The following KIF3C variants were observed in gnomAD, a reference collection of about 807,000 sequenced individuals.
KIF3C encodes the protein kinesin-like protein KIF3C.
KIF3C carries 12 observed loss-of-function variants against 67.7 expected under a neutral mutation model. The ratio of observed to expected loss-of-function variants is 0.18; its 90% CI spans 0.11 to 0.29. The LOEUF is 0.29. KIF3C is among the 10% of genes least tolerant of loss of function. The pLI is 1.00. For missense variants in KIF3C, 789 were observed against 1,059.6 expected (o/e 0.74, Z 3.55); for synonymous variants, 393 against 426.2 (o/e 0.92, Z 0.96).
At chr2:25,951,597 AACACCCTTCCATCATAGAG>A in intron 5 of KIF3C, 173 bp downstream of exon 5, 1 of 531,144 alleles carries the variant, frequency 1.9e-6, no homozygotes, top group South Asian at 2.3e-5. Context: ...TTTTTCCCAG[AACACCCTTCCATCATAGAG>A]ACCCCTACAA....
rs1191486956 is a variant in KIF3C at position 25,962,797 on chromosome 2, TATATA to T, written c.1546-6358_1546-6354del. On this transcript the variant is annotated intron_variant, in intron 1 of 7. Transcript: ENST00000264712. Reference sequence around the variant, plus strand: ...TATATGTTATATATATAATATATATTATATAATATATAATATATATAATATATAAA... The same window carrying T: ...TATATGTTATATATATAATATATATTATATATAATATATATAATATATAAA... 3.3e-4 allele frequency among the ~76,000 whole-genome samples: 26 copies of T among 79,838 alleles called. 2 individuals carry two copies. The highest frequency in any genetic ancestry group is 1.1e-3 in the African/African-American group (19 of 17,224). The allele number at this position is 79,838 out of a possible 152,430, so 52.4% of individuals were successfully genotyped here. A position where few individuals can be genotyped will look rare whatever the true frequency, so the allele number is the denominator to read the frequency against.
At chr2:25,948,599 A>G (rs1246723160) in intron 5 of KIF3C, among the ~76,000 whole-genome samples, 10 of 149,828 alleles carry the variant, frequency 6.7e-5, no homozygotes, top group Non-Finnish European at 1.5e-4. Context: ...GGAGAAAGAG[A>G]AAGAAAGAAA....
rs1664013361 is a variant in KIF3C, at chr2:25,962,936, T to TAATATATAATATATAA, written c.1546-6508_1546-6493dup. Among the ~76,000 whole-genome samples the TAATATATAATATATAA allele has an allele frequency of 1.7e-4, 6 of 35,224 alleles. 1 individual carries two copies. Among genetic ancestry groups the TAATATATAATATATAA allele is most frequent in the Non-Finnish European group, 2.3e-4 (6 of 25,818 alleles). 23.1% of individuals were successfully genotyped at this position (35,224 alleles called of 152,430 possible). A position where few individuals can be genotyped will look rare whatever the true frequency, so the allele number is the denominator to read the frequency against. On this transcript the variant is annotated intron_variant, in intron 1 of 7. Coordinates refer to ENST00000264712, the MANE Select transcript of KIF3C (RefSeq NM_002254.8). ...TAATATATATAATATATAATACATA[T>TAATATATAATATATAA]AATATATAATATATAATATATAATA...
chr2:25,940,669 T>C (rs984455260), intron 5 of KIF3C, among the ~76,000 whole-genome samples: 8 of 129,880 alleles, frequency 6.2e-5, no homozygotes, highest in African/African-American at 2.2e-4. Flanking sequence ...TTTTTTTTTT[T>C]TTTTTGAGTC....
rs1015810638 is a variant in KIF3C at position 25,980,928 on chromosome 2, C to G, written c.990G>C (p.Leu330=). The stretch of plus-strand genomic sequence containing the variant: ...CCATGATGGTCTTGGCATTCCCCCC[C>G]AGGGAGTCCTGGAGCAGCCGGGTCA... ...SKLTRLLQDS[L]GGNAKTIMVA... The change falls in exon 1 of 8, where the codon CTG becomes CTC. Residue 330 remains leucine, a synonymous_variant. Coordinates refer to ENST00000264712, the MANE Select transcript of KIF3C (RefSeq NM_002254.8). The surrounding 1 kb of genome is among the most constrained non-coding windows in gnomAD (Gnocchi z 7.6). The G allele has an allele frequency of 6.8e-6, 11 of 1,614,076 alleles. 1 individual carries two copies. The African/African-American group carries it at 1.1e-4, about 16-fold the overall frequency.
At position 25,940,315 on chromosome 2, in the gene KIF3C, A is replaced by G. The variant is rs549498427; in HGVS notation, c.2007-10252T>C. 2.5e-3 allele frequency among the ~76,000 whole-genome samples: 384 copies of G among 152,220 alleles called. 5 individuals carry two copies. The highest frequency in any genetic ancestry group is 1.7e-3 in the Non-Finnish European group (114 of 68,028). ...CAGGCGCATGGTGGCTCACGCCTGT[A>G]ATCCTAGCAGTTTGGGAGGCTGAGG... On this transcript the variant is annotated intron_variant, in intron 5 of 7. Coordinates refer to ENST00000264712, the MANE Select transcript of KIF3C (RefSeq NM_002254.8).
rs1344644612 is a variant in KIF3C at position 25,958,264 on chromosome 2, G to A, written c.1546-1820C>T. ...GTCCCCTTCCACCCCTCTGCCACAT[G>A]ACACCCAGGCAGATCCACTAAAAAC... On this transcript the variant is annotated intron_variant, in intron 1 of 7. Coordinates refer to ENST00000264712, the MANE Select transcript of KIF3C (RefSeq NM_002254.8). The surrounding 1 kb of genome is among the most constrained non-coding windows in gnomAD (Gnocchi z 4.5). Among the ~76,000 whole-genome samples the A allele has an allele frequency of 6.6e-6, 1 of 152,098 alleles. No individual in the cohort carries two copies. Among genetic ancestry groups the A allele is most frequent in the Non-Finnish European group, 1.5e-5 (1 of 68,032 alleles).
At chr2:25,941,116 T>TCA (rs1553713789) in intron 5 of KIF3C, among the ~76,000 whole-genome samples, 2 of 151,788 alleles carry the variant, frequency 1.3e-5, no homozygotes, top group Non-Finnish European at 2.9e-5. Flanking sequence ...GGCAACATAG[T>TCA]GAGACCCCCG....
rs1276834145 is a variant in KIF3C, at chr2:25,963,152, G to GTGTGTGTGTA, written c.1546-6709_1546-6708insTACACACACA. Among the ~76,000 whole-genome samples the GTGTGTGTGTA allele has an allele frequency of 2.0e-3, 163 of 83,042 alleles. 5 individuals are homozygous for GTGTGTGTGTA. Among genetic ancestry groups the GTGTGTGTGTA allele is most frequent in the African/African-American group, 7.3e-3 (136 of 18,692 alleles). The allele number at this position is 83,042 out of a possible 152,430, so 54.5% of individuals were successfully genotyped here. A position where few individuals can be genotyped will look rare whatever the true frequency, so the allele number is the denominator to read the frequency against. On this transcript the variant is annotated intron_variant, in intron 1 of 7. Coordinates refer to ENST00000264712, the MANE Select transcript of KIF3C (RefSeq NM_002254.8). ...TATGTATATATATGCATATATGTGT[G>GTGTGTGTGTA]TGTGTGTATGTATGTGTGTGTGTAT...
intron 5 of KIF3C, chr2:25,934,003 G>C (rs770486082): frequency 2.9e-6 from 1 of 346,170 alleles, no homozygotes; most frequent in African/African-American, 2.2e-5. Context: ...AACCAAATGT[G>C]GTATATTCAT....
chr2:25,980,992 C>A lies in KIF3C; in HGVS notation c.926G>T (p.Gly309Val). ...GTAGGGAATGTGGGTGCTCCTGTTG[C>A]CCGCCAGGGCAGCAATCACGTTGCC... ...ALGNVIAALAGNRSTHIPYRD... is the reference protein window; with the variant it reads ...ALGNVIAALAVNRSTHIPYRD... Residue 309 changes from glycine to valine, a missense_variant, in exon 1 of 8, where the codon GGC (glycine) becomes GTC (valine). This residue lies in a region of KIF3C where 648 missense variants were observed against 807.8 expected (regional missense o/e 0.80). Transcript: ENST00000264712. The surrounding 1 kb of genome is among the most constrained non-coding windows in gnomAD (Gnocchi z 7.6). The A allele has an allele frequency of 6.2e-7, 1 of 1,614,176 alleles. No individual in the cohort carries two copies. Among genetic ancestry groups the A allele is most frequent in the South Asian group, 1.1e-5 (1 of 91,088 alleles).
intron 5 of KIF3C, among the ~76,000 whole-genome samples, chr2:25,939,681 G>A (rs943890396): frequency 6.6e-6 from 1 of 151,952 alleles, no homozygotes; most frequent in Non-Finnish European, 1.5e-5. Context: ...CCTGGGTGAG[G>A]TGGCTTACAC....
At chr2:25,936,696 C>T (rs1663141627) in intron 5 of KIF3C, among the ~76,000 whole-genome samples, 1 of 152,138 alleles carries the variant, frequency 6.6e-6, no homozygotes, top group South Asian at 2.1e-4. Flanking sequence ...TTCAGCTTTA[C>T]TTGATATTGT....
chr2:25,980,303 AAAG>A lies in KIF3C; in HGVS notation c.1545+67_1545+69del. The A allele has an allele frequency of 2.3e-6, 3 of 1,310,680 alleles. No individual in the cohort carries two copies. Among genetic ancestry groups the A allele is most frequent in the South Asian group, 1.4e-5 (1 of 72,556 alleles). 81.2% of individuals were successfully genotyped at this position (1,310,680 alleles called of 1,614,324 possible). On this transcript the variant is annotated intron_variant, in intron 1 of 7. Transcript: ENST00000264712. The surrounding 1 kb of genome is among the most constrained non-coding windows in gnomAD (Gnocchi z 7.6). ...ACTTCAGGCCAGGTCACAGACTCTC[AAAG>A]AAGAGCCTCCTTGCCGGGATCCCCT...
At chr2:25,979,786 C>T (rs780172914) in intron 1 of KIF3C, among the ~76,000 whole-genome samples, 4 of 152,166 alleles carry the variant, frequency 2.6e-5, no homozygotes, top group Non-Finnish European at 5.9e-5. Context: ...TCAGCTCTGC[C>T]ACTTCATAGG....
intron 5 of KIF3C, among the ~76,000 whole-genome samples, chr2:25,940,157 G>A (rs966359552): frequency 6.6e-6 from 1 of 151,994 alleles, no homozygotes; most frequent in Non-Finnish European, 1.5e-5. Context: ...CATCTCCTCC[G>A]CACCAGGCAC....
Position 25,962,826 on chromosome 2 carries a change from AAATATATAAAATATATAATATATAATAT to A in KIF3C, c.1546-6410_1546-6383del, listed in dbSNP as rs1663994668. Among the ~76,000 whole-genome samples, 3 of 64,508 alleles carry A rather than the reference AAATATATAAAATATATAATATATAATAT, an allele frequency of 4.7e-5. 1 individual carries two copies. Among genetic ancestry groups the A allele is most frequent in the African/African-American group, 2.6e-4 (3 of 11,686 alleles). The allele number at this position is 64,508 out of a possible 152,430, so 42.3% of individuals were successfully genotyped here. On this transcript the variant is annotated intron_variant, in intron 1 of 7. Transcript: ENST00000264712. ...TAATATATAATATATATAATATATA[AAATATATAAAATATATAATATATAATAT>A]AATATATAATATATATAATATATAA... is the stretch of plus-strand genomic sequence containing the variant.
chr2:25,961,149 C>T (rs1663934726), intron 1 of KIF3C, among the ~76,000 whole-genome samples: 1 of 152,172 alleles, frequency 6.6e-6, no homozygotes, highest in South Asian at 2.1e-4. Context: ...TAGGTTATTA[C>T]AGCACATGGG....
chr2:25,960,430 T>A (rs1387914097), intron 1 of KIF3C, among the ~76,000 whole-genome samples: 1 of 149,242 alleles, frequency 6.7e-6, no homozygotes. Context: ...CAAGGTCACA[T>A]GATGGCCCCC....
Sources: allele counts gnomAD v4.1 joint callset (sites outside exome capture counted in the v4.1 genomes callset), GRCh38; gene constraint gnomAD v4.1.1; regional missense constraint gnomAD v4.1.1; non-coding constraint Gnocchi (gnomAD v3.1); transcripts MANE v1.5; gene names NCBI Gene and HGNC (gene_info 2026-07-23, HGNC 2026-07-21).